The following KCNMA1 variants were observed in gnomAD, a reference collection of about 807,000 sequenced individuals.
KCNMA1 encodes the protein potassium calcium-activated channel subfamily M alpha 1.
In KCNMA1, 29 loss-of-function variants were observed where a neutral mutation model predicts 140.0. The observed-to-expected ratio is 0.21, with a 90% CI of 0.15 to 0.28. KCNMA1 has a LOEUF of 0.28. Ranked by LOEUF, KCNMA1 falls within the 10% of genes least tolerant of loss-of-function variation. The pLI is 1.00. For missense variants in KCNMA1, 880 were observed against 1,602.2 expected (o/e 0.55, Z 7.70); for synonymous variants, 612 against 611.9 (o/e 1.00, Z 0.00).
At chr10:77,129,877 C>T (rs937895910) in intron 5 of KCNMA1, among the ~76,000 whole-genome samples, 4 of 151,936 alleles carry the variant, frequency 2.6e-5, no homozygotes, top group Admixed American at 2.6e-4. Context: ...ATATAAACTT[C>T]GAAACTTGAT....
At position 77,285,302 on chromosome 10, in the gene KCNMA1, T is replaced by C. The variant is rs114612922; in HGVS notation, c.541-34046A>G. Among the ~76,000 whole-genome samples, 277 of 152,318 alleles carry C rather than the reference T, an allele frequency of 1.8e-3. 1 individual carries two copies. Among genetic ancestry groups the C allele is most frequent in the African/African-American group, 6.2e-3 (257 of 41,574 alleles). On this transcript the variant is annotated intron_variant, in intron 2 of 27. Transcript: ENST00000286628. The stretch of plus-strand genomic sequence containing the variant: ...GTAAAAGGATCTCTCCTCTAAAGTT[T>C]TTTTTTTAATCTTCGTATCAATGTA...
At chr10:77,454,397 G>T (rs1040670053) in intron 1 of KCNMA1, among the ~76,000 whole-genome samples, 3 of 152,154 alleles carry the variant, frequency 2.0e-5, no homozygotes, top group Non-Finnish European at 2.9e-5. Context: ...AAACAGAAAT[G>T]CTCACTTTCT....
chr10:77,078,360 A>C (rs1413927858), intron 13 of KCNMA1, among the ~76,000 whole-genome samples: 1 of 152,156 alleles, frequency 6.6e-6, no homozygotes, highest in Non-Finnish European at 1.5e-5. Context: ...TTGGAAGTTT[A>C]TTGACTGGCT....
At chr10:77,576,566 C>G (rs1287327563) in intron 1 of KCNMA1, among the ~76,000 whole-genome samples, 1 of 152,224 alleles carries the variant, frequency 6.6e-6, no homozygotes, top group African/African-American at 2.4e-5. Context: ...GTGTCCACCA[C>G]ATGCTGCATA....
At chr10:77,125,779 C>A (rs1180697702) in intron 5 of KCNMA1, among the ~76,000 whole-genome samples, 1 of 152,194 alleles carries the variant, frequency 6.6e-6, no homozygotes, top group Non-Finnish European at 1.5e-5. Context: ...CTCAATAAAT[C>A]CTTGTTTGAA....
At chr10:77,385,284 C>T (rs2095561645) in intron 2 of KCNMA1, among the ~76,000 whole-genome samples, 1 of 152,208 alleles carries the variant, frequency 6.6e-6, no homozygotes, top group South Asian at 2.1e-4. Flanking sequence ...AAGGTTGTTT[C>T]AGCCCAGCAC....
intron 6 of KCNMA1, among the ~76,000 whole-genome samples, chr10:77,117,431 C>A (rs1275511158): frequency 6.6e-6 from 1 of 150,742 alleles, no homozygotes; most frequent in East Asian, 2.0e-4. Flanking sequence ...CACCTGTAAT[C>A]CCAGCTACTC....
At chr10:76,905,162 T>C (rs1456640209) in intron 25 of KCNMA1, 1 of 152,258 alleles carries the variant, frequency 6.6e-6, no homozygotes, top group Non-Finnish European at 1.5e-5. Context: ...AGATGTAGAC[T>C]GCAATGTGAC....
intron 23 of KCNMA1, among the ~76,000 whole-genome samples, chr10:76,934,596 C>A (rs1591187674): frequency 6.6e-6 from 1 of 152,286 alleles, no homozygotes; most frequent in Non-Finnish European, 1.5e-5. Context: ...TGCCTGTAGA[C>A]CCCATTACTT....
intron 5 of KCNMA1, among the ~76,000 whole-genome samples, chr10:77,156,254 A>G (rs1210031005): frequency 7.3e-6 from 1 of 136,384 alleles, no homozygotes; most frequent in Non-Finnish European, 1.6e-5. Flanking sequence ...AAAAAAAAAA[A>G]AGTTAAATGA....
intron 1 of KCNMA1, among the ~76,000 whole-genome samples, chr10:77,473,017 G>T (rs530937165): frequency 2.0e-5 from 3 of 152,250 alleles, no homozygotes. Flanking sequence ...CCAGGGTGCT[G>T]TACCCTAACC....
intron 1 of KCNMA1, among the ~76,000 whole-genome samples, chr10:77,607,915 T>C (rs771310390): frequency 6.6e-6 from 1 of 152,172 alleles, no homozygotes; most frequent in African/African-American, 2.4e-5. Flanking sequence ...TCAACACTGC[T>C]AGCCATTAGG....
At chr10:77,180,056 G>A (rs933798724) in intron 5 of KCNMA1, among the ~76,000 whole-genome samples, 7 of 152,178 alleles carry the variant, frequency 4.6e-5, no homozygotes, top group Admixed American at 2.0e-4. Flanking sequence ...ATTCACTCTG[G>A]TTTTTATCTC....
chr10:76,946,190 C>G (rs1160437521), intron 22 of KCNMA1, among the ~76,000 whole-genome samples: 1 of 152,198 alleles, frequency 6.6e-6, no homozygotes, highest in Non-Finnish European at 1.5e-5. Flanking sequence ...TCCACATGCT[C>G]TGTGTCTTCA....
At chr10:77,438,319 C>A (rs907190589) in intron 1 of KCNMA1, among the ~76,000 whole-genome samples, 5 of 152,172 alleles carry the variant, frequency 3.3e-5, no homozygotes, top group African/African-American at 1.2e-4. Flanking sequence ...GTAATTCCAA[C>A]ACTTTGGGAG....
At chr10:77,082,971 G>T (rs1029715898) in intron 12 of KCNMA1, among the ~76,000 whole-genome samples, 12 of 152,128 alleles carry the variant, frequency 7.9e-5, no homozygotes, top group African/African-American at 2.9e-4. Context: ...CGGTCACTTG[G>T]GGCCACTGAT....
intron 1 of KCNMA1, among the ~76,000 whole-genome samples, chr10:77,448,066 T>C (rs543227768): frequency 1.3e-5 from 2 of 152,270 alleles, no homozygotes; most frequent in East Asian, 1.9e-4. Context: ...TCTCAACTGA[T>C]TGTTTTCTCT....
At chr10:77,524,254 G>A (rs562698443) in intron 1 of KCNMA1, among the ~76,000 whole-genome samples, 16 of 152,218 alleles carry the variant, frequency 1.1e-4, no homozygotes, top group South Asian at 6.2e-4. Flanking sequence ...TATAAAGAAA[G>A]CGAGGTCTCC....
chr10:77,335,355 A>C (rs1045338745), intron 2 of KCNMA1, among the ~76,000 whole-genome samples: 2 of 152,240 alleles, frequency 1.3e-5, no homozygotes, highest in African/African-American at 4.8e-5. Flanking sequence ...AGATCTGCCC[A>C]CAAGCACTAA....
Sources: gnomAD v4.1 joint callset for allele counts (sites outside exome capture counted in the v4.1 genomes callset) on GRCh38, gnomAD v4.1.1 for gene constraint, MANE v1.5 for transcripts, NCBI Gene and HGNC (gene_info 2026-07-23, HGNC 2026-07-21) for gene names.